The following SND1 variants were observed in gnomAD, a reference collection of about 807,000 sequenced individuals.
SND1 encodes the protein staphylococcal nuclease domain-containing protein 1.
A neutral mutation model predicts 121.7 loss-of-function variants in SND1; 38 were observed. That is an observed-to-expected ratio of 0.31 (90% CI 0.24 to 0.41). The LOEUF (loss-of-function observed/expected upper bound fraction) is 0.41, where lower values mean the gene tolerates loss of function less well. Among genes scored for constraint, SND1 ranks in the 10% least tolerant of loss-of-function variants. SND1 has a pLI of 1.00. For synonymous variants in SND1, 401 were observed against 447.4 expected, an observed-to-expected ratio of 0.90 and a Z score of 1.31; for missense variants, 868 against 1,184.6, an observed-to-expected ratio of 0.73 and a Z score of 3.92.
At chr7:127,941,118 A>G (rs1186739082) in intron 15 of SND1, among the ~76,000 whole-genome samples, 3 of 152,214 alleles carry the variant, frequency 2.0e-5, no homozygotes, top group Admixed American at 2.0e-4. Context: ...CTGAGACACA[A>G]CTGCATTCTC....
At chr7:127,987,436 G>T (rs1443502807) in intron 15 of SND1, among the ~76,000 whole-genome samples, 1 of 152,154 alleles carries the variant, frequency 6.6e-6, no homozygotes, top group South Asian at 2.1e-4. Flanking sequence ...AACTCTGCTC[G>T]CTGCCAGCAT....
Position 128,074,618 on chromosome 7 carries a change from C to T in SND1, c.1896C>T (p.Phe632=). 3 of 1,613,916 alleles carry T rather than the reference C, an allele frequency of 1.9e-6. No homozygotes were observed. Among genetic ancestry groups the T allele is most frequent in the Non-Finnish European group, 2.5e-6 (3 of 1,180,002 alleles). ...LVEHALSKVH[F]TAERSSYYKS... is the part of the protein sequence containing the mutation. ...AGCACGCGCTCTCCAAGGTCCACTTCACCGCCGAACGCAGCTCCTACTACA... is the reference window on the plus strand; with the variant it reads ...AGCACGCGCTCTCCAAGGTCCACTTTACCGCCGAACGCAGCTCCTACTACA... The change falls in exon 17 of 24, where the codon TTC becomes TTT. Residue 632 remains phenylalanine, a synonymous_variant. Coordinates refer to ENST00000354725, the MANE Select transcript of SND1 (RefSeq NM_014390.4).
intron 10 of SND1, among the ~76,000 whole-genome samples, chr7:127,766,444 T>C (rs1034328456): frequency 6.6e-6 from 1 of 152,172 alleles, no homozygotes; most frequent in Non-Finnish European, 1.5e-5. Context: ...GATTTTCTTT[T>C]GTGTGGACCC....
At chr7:127,656,424 G>A (rs753112964) in intron 1 of SND1, among the ~76,000 whole-genome samples, 6 of 151,316 alleles carry the variant, frequency 4.0e-5, no homozygotes, top group Admixed American at 6.6e-5. Flanking sequence ...TTGGGTTCAA[G>A]CGATTCTCCT....
chr7:127,917,583 G>A (rs548682019), intron 14 of SND1, among the ~76,000 whole-genome samples: 36 of 152,086 alleles, frequency 2.4e-4, no homozygotes, highest in South Asian at 6.2e-4. Context: ...AATTTTTTTT[G>A]TAGAGAGAGA....
chr7:128,071,803 A>T (rs1175539026), intron 16 of SND1, among the ~76,000 whole-genome samples: 1 of 152,214 alleles, frequency 6.6e-6, no homozygotes, highest in Non-Finnish European at 1.5e-5. Context: ...CAGCTGTAAT[A>T]AAAGGGAACA....
chr7:127,898,597 A>G (rs144099173), intron 13 of SND1, among the ~76,000 whole-genome samples: 17 of 152,314 alleles, frequency 1.1e-4, no homozygotes, highest in African/African-American at 4.1e-4. Context: ...CCTGAAACAC[A>G]ATGAGAAGTG....
intron 14 of SND1, among the ~76,000 whole-genome samples, chr7:127,921,074 G>GATTGGGTATTACTTTGATTGGGT (rs1246388497): frequency 6.6e-6 from 1 of 152,170 alleles, no homozygotes; most frequent in Non-Finnish European, 1.5e-5. Flanking sequence ...ATTTGTATTT[G>GATTGGGTATTACTTTGATTGGGT]ATTGAGAATT....
chr7:128,024,301 C>T (rs968664028), intron 16 of SND1, among the ~76,000 whole-genome samples: 7 of 152,100 alleles, frequency 4.6e-5, no homozygotes, highest in African/African-American at 1.7e-4. Flanking sequence ...TTAGAAATGG[C>T]GTGAACAGTG....
chr7:127,654,114 G>A (rs183048365), intron 1 of SND1, among the ~76,000 whole-genome samples: 10 of 152,320 alleles, frequency 6.6e-5, no homozygotes, highest in Admixed American at 3.3e-4. Context: ...TTTGTGGAAT[G>A]GGAATAGAAT....
intron 10 of SND1, among the ~76,000 whole-genome samples, chr7:127,778,616 A>G (rs765115241): frequency 6.6e-6 from 1 of 152,198 alleles, no homozygotes; most frequent in Non-Finnish European, 1.5e-5. Flanking sequence ...GGAGTGACTA[A>G]TCTTGGATGA....
intron 10 of SND1, among the ~76,000 whole-genome samples, chr7:127,725,077 T>C (rs577180478): frequency 6.6e-6 from 1 of 152,340 alleles, no homozygotes; most frequent in South Asian, 2.1e-4. Flanking sequence ...TCCTGCTGTA[T>C]GCTTATGTTA....
intron 12 of SND1, among the ~76,000 whole-genome samples, chr7:127,883,272 T>C (rs975872624): frequency 6.6e-6 from 1 of 152,150 alleles, no homozygotes; most frequent in African/African-American, 2.4e-5. Context: ...GGAGAAAATA[T>C]GTTCCATACC....
chr7:127,943,560 G>C (rs1381248569), intron 15 of SND1, among the ~76,000 whole-genome samples: 1 of 152,136 alleles, frequency 6.6e-6, no homozygotes, highest in Non-Finnish European at 1.5e-5. Context: ...TTTGGTCTCT[G>C]TGCCTGTTAC....
chr7:128,070,786 G>A (rs190877840), intron 16 of SND1, among the ~76,000 whole-genome samples: 8 of 152,042 alleles, frequency 5.3e-5, no homozygotes, highest in Non-Finnish European at 1.0e-4. Flanking sequence ...GTATACAGTC[G>A]ATCTTCATTA....
intron 14 of SND1, among the ~76,000 whole-genome samples, chr7:127,928,509 T>A (rs939154654): frequency 2.1e-5 from 3 of 145,976 alleles, no homozygotes; most frequent in Non-Finnish European, 4.6e-5. Context: ...AGGCGTCGCT[T>A]TTTTTTTTTT....
intron 15 of SND1, among the ~76,000 whole-genome samples, chr7:127,941,896 T>G (rs895299180): frequency 1.6e-4 from 23 of 144,742 alleles, no homozygotes; most frequent in Admixed American, 1.4e-4. Context: ...GGAGTTTTTT[T>G]TTTTTTTTTT....
At chr7:127,732,715 G>A (rs1342798146) in intron 10 of SND1, among the ~76,000 whole-genome samples, 1 of 152,190 alleles carries the variant, frequency 6.6e-6, no homozygotes, top group Non-Finnish European at 1.5e-5. Flanking sequence ...CATTTGTACA[G>A]TTTAAGCAAG....
intron 12 of SND1, among the ~76,000 whole-genome samples, chr7:127,854,845 A>G (rs530352234): frequency 2.6e-4 from 39 of 152,124 alleles, no homozygotes; most frequent in African/African-American, 8.9e-4. Context: ...AACTCACAGT[A>G]GTGATTCTGC....
Sources: gnomAD v4.1 joint callset for allele counts (sites outside exome capture counted in the v4.1 genomes callset) on GRCh38, gnomAD v4.1.1 for gene constraint, MANE v1.5 for transcripts, NCBI Gene and HGNC (gene_info 2026-07-23, HGNC 2026-07-21) for gene names.